The following SNTG1 variants were observed in gnomAD, a reference collection of about 807,000 sequenced individuals.
SNTG1 encodes the protein syntrophin gamma 1, also known as gamma-1-syntrophin.
SNTG1 carries 39 observed loss-of-function variants against 74.7 expected under a neutral mutation model. The observed-to-expected ratio is 0.52, with a 90% confidence interval of 0.40 to 0.68. The LOEUF is 0.68. Ranked by LOEUF, SNTG1 falls within the 30% of genes least tolerant of loss-of-function variation. The pLI, the probability that SNTG1 is intolerant of heterozygous loss-of-function variation, is 0.00. For synonymous variants in SNTG1, 254 were observed against 217.1 expected, an observed-to-expected ratio of 1.17 and a Z score of -1.49; for missense variants, 685 against 609.5, an observed-to-expected ratio of 1.12 and a Z score of -1.30.
chr8:49,920,239 G>A (rs1003633545), intron 1 of SNTG1, among the ~76,000 whole-genome samples: 13 of 152,084 alleles, frequency 8.5e-5, no homozygotes, highest in African/African-American at 3.1e-4. Flanking sequence ...CTACACTTTA[G>A]TTTCCGTTCG....
chr8:50,167,591 G>C (rs972237810), intron 1 of SNTG1, among the ~76,000 whole-genome samples: 2 of 150,456 alleles, frequency 1.3e-5, no homozygotes, highest in Admixed American at 1.3e-4. Flanking sequence ...GAGCCCACGA[G>C]TTTGAGGCCA....
chr8:50,244,661 A>C (rs987903912), intron 2 of SNTG1, among the ~76,000 whole-genome samples: 7 of 152,206 alleles, frequency 4.6e-5, no homozygotes, highest in Non-Finnish European at 7.3e-5. Context: ...GAGCTCTATT[A>C]GCACAGCAGA....
chr8:50,084,419 C>A (rs372791371), intron 1 of SNTG1, among the ~76,000 whole-genome samples: 2 of 152,026 alleles, frequency 1.3e-5, no homozygotes, highest in Admixed American at 6.6e-5. Flanking sequence ...TAGGTCACAC[C>A]ACTGCACTCC....
intron 2 of SNTG1, among the ~76,000 whole-genome samples, chr8:50,241,198 A>C (rs2086149120): frequency 6.6e-6 from 1 of 152,208 alleles, no homozygotes; most frequent in Admixed American, 6.5e-5. Context: ...AATTTTACAA[A>C]GTGTTTTGAA....
At chr8:50,255,508 A>G (rs2086840582) in intron 2 of SNTG1, among the ~76,000 whole-genome samples, 1 of 152,162 alleles carries the variant, frequency 6.6e-6, no homozygotes, top group Admixed American at 6.5e-5. Flanking sequence ...TCCAAAATCA[A>G]GTTGCTGGCC....
At chr8:50,220,799 G>C (rs2085026701) in intron 2 of SNTG1, among the ~76,000 whole-genome samples, 1 of 152,146 alleles carries the variant, frequency 6.6e-6, no homozygotes, top group Non-Finnish European at 1.5e-5. Context: ...CAACATTGAA[G>C]ACTTCTATTT....
At chr8:50,285,762 G>T (rs148587488) in intron 2 of SNTG1, among the ~76,000 whole-genome samples, 1 of 150,636 alleles carries the variant, frequency 6.6e-6, no homozygotes, top group East Asian at 2.0e-4. Flanking sequence ...AACCATAAGG[G>T]CGTCATTCTT....
intron 1 of SNTG1, among the ~76,000 whole-genome samples, chr8:49,937,346 T>C (rs1008373151): frequency 6.6e-6 from 1 of 152,126 alleles, no homozygotes; most frequent in African/African-American, 2.4e-5. Flanking sequence ...AGGGATGACA[T>C]AGAGGCCTGC....
At chr8:50,394,369 G>T in intron 3 of SNTG1, 104 bp downstream of exon 3, 1 of 1,145,358 alleles carries the variant, frequency 8.7e-7, no homozygotes, top group East Asian at 2.5e-5. Context: ...GCAGAAAATG[G>T]AGAGAGGAGG....
intron 2 of SNTG1, among the ~76,000 whole-genome samples, chr8:50,176,382 A>G (rs1412580066): frequency 6.6e-6 from 1 of 152,202 alleles, no homozygotes; most frequent in Admixed American, 6.5e-5. Flanking sequence ...CACAGATAAA[A>G]TGACAAATTG....
At chr8:50,696,319 G>A (rs1585564648) in intron 15 of SNTG1, among the ~76,000 whole-genome samples, 1 of 152,030 alleles carries the variant, frequency 6.6e-6, no homozygotes, top group South Asian at 2.1e-4. Context: ...GGGGTTATTT[G>A]TTTTCTTCTT....
chr8:50,749,505 T>A (rs112695213), intron 17 of SNTG1, among the ~76,000 whole-genome samples: 2 of 152,000 alleles, frequency 1.3e-5, no homozygotes, highest in Non-Finnish European at 1.5e-5. Flanking sequence ...AGCCTTATAT[T>A]GGAAGAAGAT....
intron 1 of SNTG1, among the ~76,000 whole-genome samples, chr8:50,039,024 C>T (rs1461403652): frequency 6.6e-6 from 1 of 152,162 alleles, no homozygotes; most frequent in Non-Finnish European, 1.5e-5. Flanking sequence ...CCTTGTGCTT[C>T]TCATAGCTTC....
intron 15 of SNTG1, among the ~76,000 whole-genome samples, chr8:50,664,487 A>G (rs1017424106): frequency 1.3e-5 from 2 of 152,200 alleles, no homozygotes; most frequent in Admixed American, 6.5e-5. Flanking sequence ...CTTATTGAGT[A>G]CTTTTTCTCC....
chr8:50,346,168 T>C (rs28378585), intron 2 of SNTG1, among the ~76,000 whole-genome samples: 9,947 of 152,314 alleles, frequency 0.065, 353 homozygotes, highest in African/African-American at 0.072. Flanking sequence ...TCCTTATTTA[T>C]AAATCAAAGG....
chr8:50,419,363 T>TTC (rs2093053258), intron 4 of SNTG1, among the ~76,000 whole-genome samples: 1 of 152,212 alleles, frequency 6.6e-6, no homozygotes, highest in Non-Finnish European at 1.5e-5. Flanking sequence ...TGCACTGATG[T>TTC]TCTCCAGCTC....
intron 2 of SNTG1, among the ~76,000 whole-genome samples, chr8:50,225,647 C>G (rs2085292387): frequency 6.6e-6 from 1 of 152,162 alleles, no homozygotes; most frequent in Admixed American, 6.5e-5. Flanking sequence ...AAATATTTTA[C>G]AGAGCTTGAG....
chr8:50,269,243 A>T (rs2130250367), intron 2 of SNTG1, among the ~76,000 whole-genome samples: 1 of 152,330 alleles, frequency 6.6e-6, no homozygotes, highest in Admixed American at 6.5e-5. Context: ...GGCTTTATAA[A>T]AATTAAAAAT....
At chr8:50,699,627 A>G (rs2095416763) in intron 15 of SNTG1, among the ~76,000 whole-genome samples, 1 of 152,178 alleles carries the variant, frequency 6.6e-6, no homozygotes, top group South Asian at 2.1e-4. Flanking sequence ...GAAAAATGCA[A>G]CTGATGAGTT....
Sources: allele counts gnomAD v4.1 joint callset (sites outside exome capture counted in the v4.1 genomes callset), GRCh38; gene constraint gnomAD v4.1.1; transcripts MANE v1.5; gene names NCBI Gene and HGNC (gene_info 2026-07-23, HGNC 2026-07-21).